TENM2: variants seen among roughly 807,000 people sequenced by gnomAD.
TENM2 encodes the protein teneurin transmembrane protein 2.
TENM2 carries 52 observed loss-of-function variants against 245.2 expected under a neutral mutation model. The ratio of observed to expected loss-of-function variants is 0.21; its 90% CI spans 0.17 to 0.27. The LOEUF is 0.27. TENM2 is among the 10% of genes least tolerant of loss of function. The probability of loss-of-function intolerance (pLI) is 1.00; values close to 1 mark genes in which losing one functional copy is unlikely to be tolerated. For synonymous variants in TENM2, 1,363 were observed against 1,438.9 expected, an observed-to-expected ratio of 0.95 and a Z score of 1.19; for missense variants, 3,046 against 3,666.8, an observed-to-expected ratio of 0.83 and a Z score of 4.37.
intron 2 of TENM2, among the ~76,000 whole-genome samples, chr5:167,544,261 C>A (rs1459601108): frequency 6.6e-6 from 1 of 152,088 alleles, no homozygotes; most frequent in African/African-American, 2.4e-5. Context: ...ACATGGGGCC[C>A]TGGAGAGAAT....
chr5:167,259,219 G>C, the TENM2 span, among the ~76,000 whole-genome samples: 1 of 152,256 alleles, frequency 6.6e-6, no homozygotes, highest in Middle Eastern at 3.4e-3. Context: ...TAATGCGAAT[G>C]ATGGAACAGA....
chr5:167,363,252 A>C (rs548730887), intron 1 of TENM2, among the ~76,000 whole-genome samples: 57 of 152,328 alleles, frequency 3.7e-4, no homozygotes, highest in Admixed American at 2.0e-4. Flanking sequence ...TAGAGCAACA[A>C]GGACATGAAA....
intron 2 of TENM2, among the ~76,000 whole-genome samples, chr5:167,639,330 A>G (rs1473499783): frequency 6.6e-6 from 1 of 152,196 alleles, no homozygotes; most frequent in African/African-American, 2.4e-5. Context: ...ATGTGTGTGT[A>G]TGCTCATTTC....
intron 2 of TENM2, among the ~76,000 whole-genome samples, chr5:167,492,279 T>C (rs1261314894): frequency 6.6e-6 from 1 of 152,146 alleles, no homozygotes; most frequent in African/African-American, 2.4e-5. Flanking sequence ...ATCATTCTCA[T>C]CATTCCTGCT....
chr5:167,336,819 T>TA (rs1757789944), intron 1 of TENM2, among the ~76,000 whole-genome samples: 1 of 140,552 alleles, frequency 7.1e-6, no homozygotes, highest in African/African-American at 2.5e-5. Context: ...ATGCAAATAT[T>TA]TAAAAAAAAA....
chr5:167,263,683 C>T, the TENM2 span, among the ~76,000 whole-genome samples: 2 of 151,916 alleles, frequency 1.3e-5, no homozygotes, highest in African/African-American at 4.8e-5. Flanking sequence ...GTTTATAAAA[C>T]CATCATAAAC....
intron 19 of TENM2, among the ~76,000 whole-genome samples, chr5:168,206,670 G>A (rs1479974220): frequency 8.5e-5 from 13 of 152,182 alleles, no homozygotes; most frequent in Admixed American, 7.9e-4. Flanking sequence ...CATCCATATA[G>A]ATTCCCTTCC....
intron 6 of TENM2, among the ~76,000 whole-genome samples, chr5:168,048,934 G>A (rs771822212): frequency 2.0e-5 from 3 of 152,190 alleles, no homozygotes; most frequent in Non-Finnish European, 4.4e-5. Flanking sequence ...AAACTGAAAA[G>A]TATATTTTGC....
intron 2 of TENM2, among the ~76,000 whole-genome samples, chr5:167,451,507 G>T (rs1765579938): frequency 6.6e-6 from 1 of 152,172 alleles, no homozygotes. Flanking sequence ...GTTGAAATAA[G>T]AGAAACAGAA....
chr5:168,258,317 T>C (rs4292464), intron 27 of TENM2, among the ~76,000 whole-genome samples: 109,432 of 151,936 alleles, frequency 0.72, 40,470 homozygotes, highest in African/African-American at 0.84. Flanking sequence ...CTGGCTAACA[T>C]GGTGAAACCC....
intron 2 of TENM2, among the ~76,000 whole-genome samples, chr5:167,583,318 A>T (rs770784163): frequency 6.6e-6 from 1 of 152,172 alleles, no homozygotes; most frequent in Non-Finnish European, 1.5e-5. Context: ...TTGTTTACTT[A>T]CACTAGCGTG....
At chr5:167,510,684 AAGAG>A (rs1024778147) in intron 2 of TENM2, among the ~76,000 whole-genome samples, 20 of 152,094 alleles carry the variant, frequency 1.3e-4, no homozygotes, top group Non-Finnish European at 2.4e-4. Flanking sequence ...AAGAAAATGA[AAGAG>A]AGAGGAAAGA....
At chr5:167,164,709 T>C in the TENM2 span, among the ~76,000 whole-genome samples, 1 of 152,178 alleles carries the variant, frequency 6.6e-6, no homozygotes, top group African/African-American at 2.4e-5. Context: ...TTCTCTGCAT[T>C]TGGGGGACTT....
chr5:167,944,267 C>T (rs536227260), intron 3 of TENM2, among the ~76,000 whole-genome samples: 1 of 152,154 alleles, frequency 6.6e-6, no homozygotes, highest in African/African-American at 2.4e-5. Context: ...CTTGTTTCCC[C>T]TCCCACAAAT....
intron 2 of TENM2, among the ~76,000 whole-genome samples, chr5:167,688,805 T>A (rs1344881976): frequency 1.3e-5 from 2 of 152,242 alleles, no homozygotes; most frequent in African/African-American, 4.8e-5. Context: ...TAGTATTGAC[T>A]TATTCCACAG....
At chr5:167,625,429 T>A (rs1778439619) in intron 2 of TENM2, among the ~76,000 whole-genome samples, 1 of 152,228 alleles carries the variant, frequency 6.6e-6, no homozygotes, top group Non-Finnish European at 1.5e-5. Context: ...AAAATGTTAT[T>A]ATTAATAAAC....
At chr5:168,042,044 G>C (rs1049319870) in intron 5 of TENM2, among the ~76,000 whole-genome samples, 2 of 152,152 alleles carry the variant, frequency 1.3e-5, no homozygotes, top group African/African-American at 2.4e-5. Context: ...TCCCCCAGGA[G>C]CCCCGACATT....
chr5:167,704,214 T>G (rs140960553), intron 2 of TENM2, among the ~76,000 whole-genome samples: 43 of 152,302 alleles, frequency 2.8e-4, no homozygotes, highest in Non-Finnish European at 5.1e-4. Flanking sequence ...TCTTCTCCAC[T>G]TACCTTCATG....
chr5:167,150,518 A>G, the TENM2 span, among the ~76,000 whole-genome samples: 1 of 152,188 alleles, frequency 6.6e-6, no homozygotes, highest in Non-Finnish European at 1.5e-5. Context: ...TTATGAATTG[A>G]CTTTTTCAAG....
Sources: allele counts gnomAD v4.1 joint callset (sites outside exome capture counted in the v4.1 genomes callset), GRCh38; gene constraint gnomAD v4.1.1; transcripts MANE v1.5; gene names NCBI Gene and HGNC (gene_info 2026-07-23, HGNC 2026-07-21).